Variants in NUP62CL observed in about 807,000 individuals in gnomAD.
NUP62CL encodes the protein nucleoporin 62 C-terminal like.
A neutral mutation model predicts 15.3 loss-of-function variants in NUP62CL; 13 were observed. The observed-to-expected ratio is 0.85, with a 90% CI of 0.55 to 1.35. NUP62CL has a LOEUF of 1.35. Among genes scored for constraint, NUP62CL ranks in the 40% most tolerant of loss-of-function variants. The pLI is 0.00. For synonymous variants in NUP62CL, 54 were observed against 49.2 expected (o/e 1.10, Z -0.41); for missense variants, 123 against 130.6 (o/e 0.94, Z 0.28).
intron 3 of NUP62CL, among the ~76,000 whole-genome samples, chrX:107,169,962 C>A (rs1926608191): frequency 9.1e-6 from 1 of 110,124 alleles, no homozygotes; most frequent in Admixed American, 9.7e-5. Flanking sequence ...GTAATCCCAG[C>A]ACTTTGGGAG....
chrX:107,145,703 C>T (rs753279635), intron 8 of NUP62CL, among the ~76,000 whole-genome samples: 125 of 111,302 alleles, frequency 1.1e-3, no homozygotes, highest in African/African-American at 4.0e-3. Flanking sequence ...ATATTCAATC[C>T]CCCAATATTC....
intron 4 of NUP62CL, among the ~76,000 whole-genome samples, chrX:107,157,171 T>C (rs1461066865): frequency 9.1e-6 from 1 of 110,088 alleles, no homozygotes; most frequent in Non-Finnish European, 1.9e-5. Flanking sequence ...CTGAAAGTGA[T>C]GGGGAGAATG....
At chrX:107,196,486 C>A (rs1284865492) in intron 1 of NUP62CL, among the ~76,000 whole-genome samples, 1 of 112,004 alleles carries the variant, frequency 8.9e-6, no homozygotes, top group Non-Finnish European at 1.9e-5. Context: ...GGCTGCAGTG[C>A]GATGGCACAA....
intron 1 of NUP62CL, among the ~76,000 whole-genome samples, chrX:107,195,325 CA>C (rs1360046760): frequency 2.7e-5 from 3 of 111,811 alleles, no homozygotes; most frequent in Admixed American, 9.5e-5. Flanking sequence ...ATTCATTCCC[CA>C]CAACCACTAT....
intron 2 of NUP62CL, among the ~76,000 whole-genome samples, chrX:107,178,802 T>C (rs1368577703): frequency 9.0e-6 from 1 of 111,524 alleles, no homozygotes; most frequent in East Asian, 2.8e-4. Context: ...CTATGTTTCA[T>C]TTAGGAGAAG....
At chrX:107,152,135 G>GATATATATATATATATTCAGATAT (rs5903301) in intron 7 of NUP62CL, among the ~76,000 whole-genome samples, 9 of 47,267 alleles carry the variant, frequency 1.9e-4, no homozygotes, top group African/African-American at 1.1e-3. Flanking sequence ...TATATATTCA[G>GATATATATATATATATTCAGATAT]ATATATATAT....
intron 2 of NUP62CL, among the ~76,000 whole-genome samples, chrX:107,180,913 C>CTT (rs35001668): frequency 4.0e-4 from 34 of 85,120 alleles, no homozygotes; most frequent in African/African-American, 4.5e-4. Flanking sequence ...TATGGTTTCG[C>CTT]TTTTTTTTTT....
In NUP62CL at chrX:107,124,099, A is replaced by T. The variant is rs1326997815; in HGVS notation, c.*276T>A. On this transcript the variant is annotated 3_prime_UTR_variant, in exon 9 of 9. Transcript: ENST00000372466. ...AAAACAAAACTAAGGTATAATTCTC[A>T]ACAGTACAATACTTAAATGAAAAAA... 1 of 248,324 alleles carries T rather than the reference A, an allele frequency of 4.0e-6. No individual in the cohort carries two copies. Among genetic ancestry groups the T allele is most frequent in the East Asian group, 1.3e-4 (1 of 7,952 alleles). The allele number at this position is 248,324 out of a possible 1,213,427, so 20.5% of individuals were successfully genotyped here.
At position 107,197,556 on chromosome X, in the gene NUP62CL, G is replaced by A. The variant is rs376806127; in HGVS notation, c.-91-4484C>T. Among the ~76,000 whole-genome samples, 3 of 109,122 alleles carry A rather than the reference G, an allele frequency of 2.7e-5. No homozygotes were observed. The East Asian group carries it at 8.6e-4, about 31-fold the overall frequency. 94.8% of individuals were successfully genotyped at this position (109,122 alleles called of 115,157 possible). ...TGATAAAACTACAGCTTTGTATGTT[G>A]AGCCCAGCTTACAGTCTCTCTTGGG... On this transcript the variant is annotated intron_variant, in intron 1 of 8. Coordinates refer to ENST00000372466, the MANE Select transcript of NUP62CL (RefSeq NM_017681.3).
At chrX:107,157,885 T>C (rs1837777726) in intron 4 of NUP62CL, among the ~76,000 whole-genome samples, 1 of 110,009 alleles carries the variant, frequency 9.1e-6, no homozygotes, top group African/African-American at 3.3e-5. Flanking sequence ...AGGAGACCCA[T>C]CTCATGTGCA....
At chrX:107,177,038 TAGATG>T (rs1217773077) in intron 2 of NUP62CL, among the ~76,000 whole-genome samples, 1 of 111,519 alleles carries the variant, frequency 9.0e-6, no homozygotes, top group Non-Finnish European at 1.9e-5. Flanking sequence ...TCTCTATTCA[TAGATG>T]ACATGATCAC....
At chrX:107,130,166 G>A (rs1925480584) in intron 8 of NUP62CL, among the ~76,000 whole-genome samples, 1 of 111,498 alleles carries the variant, frequency 9.0e-6, no homozygotes, top group Admixed American at 9.5e-5. Context: ...TGAAAGAAAT[G>A]AATTCCTTGA....
chrX:107,125,114 C>A (rs1814014406), intron 8 of NUP62CL, among the ~76,000 whole-genome samples: 1 of 111,924 alleles, frequency 8.9e-6, no homozygotes, highest in Admixed American at 9.5e-5. Flanking sequence ...ACCCTCTCCT[C>A]TTCCTCCTCA....
intron 8 of NUP62CL, among the ~76,000 whole-genome samples, chrX:107,132,595 C>CA (rs1248835844): frequency 4.5e-5 from 5 of 111,069 alleles, no homozygotes; most frequent in Admixed American, 3.8e-4. Flanking sequence ...CCCGTCTCTA[C>CA]AAAAAATTTT....
At position 107,167,740 on chromosome X, in the gene NUP62CL, T is replaced by C. The variant is rs764664167; in HGVS notation, c.103A>G (p.Thr35Ala). The change falls in exon 4 of 9, where the codon ACT (threonine) becomes GCT (alanine). Residue 35 changes from threonine (T) to alanine (A), a missense_variant. Physicochemically the swap from Thr to Ala is moderately conservative, Grantham distance 58 (BLOSUM62 0). Coordinates refer to ENST00000372466, the MANE Select transcript of NUP62CL (RefSeq NM_017681.3). Reference sequence around the variant, plus strand: ...GTAAAGCCACTGGTGATTGTGGTAGTAGTGTTGGTGGTGAAAGTGGCGGTG... The same window carrying C: ...GTAAAGCCACTGGTGATTGTGGTAGCAGTGTTGGTGGTGAAAGTGGCGGTG... ...TTTATFTTNT[T>A]TTITSGFTVN... 16 of 1,199,243 alleles carry C rather than the reference T, an allele frequency of 1.3e-5. No homozygotes were observed. The highest frequency in any genetic ancestry group is 1.8e-5 in the Non-Finnish European group (16 of 884,743).
At chrX:107,176,999 C>T in intron 2 of NUP62CL, among the ~76,000 whole-genome samples, 1 of 103,106 alleles carries the variant, frequency 9.7e-6, no homozygotes, top group East Asian at 3.2e-4. Context: ...AAATAAAACA[C>T]ATGTGGATTG....
intron 8 of NUP62CL, among the ~76,000 whole-genome samples, chrX:107,133,501 T>G (rs1485075880): frequency 2.7e-5 from 3 of 110,581 alleles, no homozygotes; most frequent in Non-Finnish European, 5.7e-5. Flanking sequence ...TGCCTGGCTG[T>G]TTTTTTACAT....
At chrX:107,157,220 G>C (rs1309383315) in intron 4 of NUP62CL, among the ~76,000 whole-genome samples, 1 of 107,581 alleles carries the variant, frequency 9.3e-6, no homozygotes, top group Non-Finnish European at 1.9e-5. Flanking sequence ...TATTATCCAG[G>C]AGAACTTCCC....
intron 8 of NUP62CL, among the ~76,000 whole-genome samples, chrX:107,142,510 T>C (rs1025276954): frequency 4.5e-5 from 5 of 112,125 alleles, no homozygotes; most frequent in Non-Finnish European, 9.4e-5. Context: ...TCTTGAAGCT[T>C]TGGGATACTT....
Sources: allele counts gnomAD v4.1 joint callset (sites outside exome capture counted in the v4.1 genomes callset), GRCh38; gene constraint gnomAD v4.1.1; transcripts MANE v1.5; gene names NCBI Gene and HGNC (gene_info 2026-07-23, HGNC 2026-07-21).